The following NEGR1 variants were observed in gnomAD, a reference collection of about 807,000 sequenced individuals.
The protein encoded by NEGR1 is neuronal growth regulator 1.
NEGR1 carries 10 observed loss-of-function variants against 40.9 expected under a neutral mutation model. That is an observed-to-expected ratio of 0.24 (90% confidence interval 0.15 to 0.42). The LOEUF (loss-of-function observed/expected upper bound fraction) is 0.42, where lower values mean the gene tolerates loss of function less well. NEGR1 is among the 10% of genes least tolerant of loss of function. The pLI, the probability that NEGR1 is intolerant of heterozygous loss-of-function variation, is 1.00. For missense variants in NEGR1, 352 were observed against 438.9 expected (o/e 0.80, Z 1.77); for synonymous variants, 185 against 166.8 (o/e 1.11, Z -0.84).
intron 1 of NEGR1, among the ~76,000 whole-genome samples, chr1:71,945,675 A>G (rs890498439): frequency 1.3e-5 from 2 of 152,190 alleles, no homozygotes; most frequent in African/African-American, 4.8e-5. Flanking sequence ...TATATTTTAA[A>G]AAGTTATAAA....
At chr1:71,846,867 C>G (rs537726647) in intron 2 of NEGR1, among the ~76,000 whole-genome samples, 1 of 152,244 alleles carries the variant, frequency 6.6e-6, no homozygotes, top group South Asian at 2.1e-4. Context: ...ACCCTCATGA[C>G]CTAATCACCT....
intron 1 of NEGR1, among the ~76,000 whole-genome samples, chr1:72,100,549 GC>G (rs1159618173): frequency 2.6e-5 from 4 of 152,132 alleles, no homozygotes; most frequent in Non-Finnish European, 4.4e-5. Context: ...TAATGTAACT[GC>G]AATTCATTCA....
intron 3 of NEGR1, among the ~76,000 whole-genome samples, chr1:71,708,186 G>T (rs1262058939): frequency 6.6e-6 from 1 of 151,876 alleles, no homozygotes; most frequent in Non-Finnish European, 1.5e-5. Context: ...CAACCCAGGA[G>T]AAATAGAGAT....
chr1:71,862,782 G>C (rs776098266), intron 2 of NEGR1, among the ~76,000 whole-genome samples: 75 of 152,088 alleles, frequency 4.9e-4, no homozygotes, highest in Non-Finnish European at 1.0e-3. Context: ...TTAAAAAGTG[G>C]GCAAAGGCAT....
At chr1:72,000,463 C>T (rs1646547364) in intron 1 of NEGR1, among the ~76,000 whole-genome samples, 1 of 151,826 alleles carries the variant, frequency 6.6e-6, no homozygotes, top group Non-Finnish European at 1.5e-5. Context: ...TTAATAACTT[C>T]AAAAATATAA....
At chr1:71,921,220 A>G (rs1645714436) in intron 2 of NEGR1, among the ~76,000 whole-genome samples, 1 of 152,222 alleles carries the variant, frequency 6.6e-6, no homozygotes, top group African/African-American at 2.4e-5. Context: ...AATTATCATT[A>G]TATAAAATGG....
At chr1:71,588,755 T>A (rs1322237546) in intron 6 of NEGR1, among the ~76,000 whole-genome samples, 1 of 152,088 alleles carries the variant, frequency 6.6e-6, no homozygotes, top group Non-Finnish European at 1.5e-5. Flanking sequence ...CCAAAGAAGA[T>A]TTGAGAAAGA....
intron 6 of NEGR1, among the ~76,000 whole-genome samples, chr1:71,488,602 T>A (rs549106427): frequency 6.6e-6 from 1 of 151,880 alleles, no homozygotes; most frequent in South Asian, 2.1e-4. Flanking sequence ...ATTCAGTAAC[T>A]CACAGAATCA....
intron 2 of NEGR1, among the ~76,000 whole-genome samples, chr1:71,834,045 G>A (rs1239053113): frequency 6.6e-6 from 1 of 152,070 alleles, no homozygotes; most frequent in Non-Finnish European, 1.5e-5. Flanking sequence ...AAATAAATGA[G>A]TTTCACTTCA....
intron 2 of NEGR1, among the ~76,000 whole-genome samples, chr1:71,906,092 A>AGCTTTATCATCTG (rs1661266616): frequency 1.3e-5 from 2 of 150,410 alleles, no homozygotes; most frequent in Admixed American, 6.6e-5. Context: ...TTCAGCTGAT[A>AGCTTTATCATCTG]AAGCCCCCTA....
At chr1:71,860,351 C>T (rs969801132) in intron 2 of NEGR1, among the ~76,000 whole-genome samples, 5 of 151,958 alleles carry the variant, frequency 3.3e-5, no homozygotes, top group Non-Finnish European at 7.4e-5. Context: ...CTTTTTATTA[C>T]TATCTCTTTA....
At chr1:72,015,046 A>G (rs776727204) in intron 1 of NEGR1, among the ~76,000 whole-genome samples, 5 of 152,162 alleles carry the variant, frequency 3.3e-5, no homozygotes, top group Admixed American at 1.3e-4. Context: ...TCAATATAAT[A>G]CTACAGCTAA....
chr1:72,200,914 T>G, intron 1 of NEGR1, among the ~76,000 whole-genome samples: 1 of 151,900 alleles, frequency 6.6e-6, no homozygotes, highest in South Asian at 2.1e-4. Context: ...TAATAATAAG[T>G]TGTCTTTAAC....
intron 2 of NEGR1, among the ~76,000 whole-genome samples, chr1:71,786,576 A>T (rs1453702596): frequency 6.6e-6 from 1 of 152,128 alleles, no homozygotes; most frequent in Non-Finnish European, 1.5e-5. Flanking sequence ...ATACTGAGAG[A>T]CTAATGACTT....
At chr1:72,279,359 C>G (rs1656167872) in intron 1 of NEGR1, among the ~76,000 whole-genome samples, 1 of 152,166 alleles carries the variant, frequency 6.6e-6, no homozygotes, top group South Asian at 2.1e-4. Flanking sequence ...CCACAAGCAA[C>G]AGAGTCACTG....
At chr1:71,492,653 CTG>C (rs941814211) in intron 6 of NEGR1, among the ~76,000 whole-genome samples, 1 of 151,940 alleles carries the variant, frequency 6.6e-6, no homozygotes, top group African/African-American at 2.4e-5. Context: ...CTCTAAATAA[CTG>C]TATGAAAATA....
rs565725971 is a variant in NEGR1, at chr1:72,014,088, GA to G, written c.177-78778del. 3.5e-3 allele frequency among the ~76,000 whole-genome samples: 507 copies of G among 144,350 alleles called. 1 individual carries two copies. The highest frequency in any genetic ancestry group is 0.011 in the East Asian group (52 of 4,830). 94.7% of individuals were successfully genotyped at this position (144,350 alleles called of 152,430 possible). ...TTAAAAAGCTCTGGGGAAGGTTAAA[GA>G]AAAAAAAAGCTGTTCAACTTTTTTT... On this transcript the variant is annotated intron_variant, in intron 1 of 6. Transcript: ENST00000357731.
chr1:72,242,301 C>T (rs1222129142), intron 1 of NEGR1, among the ~76,000 whole-genome samples: 1 of 151,574 alleles, frequency 6.6e-6, no homozygotes, highest in Non-Finnish European at 1.5e-5. Flanking sequence ...AAAAATTAAG[C>T]TATAAAAAAT....
intron 5 of NEGR1, among the ~76,000 whole-genome samples, chr1:71,603,882 T>G (rs1649997221): frequency 6.6e-6 from 1 of 152,202 alleles, no homozygotes; most frequent in South Asian, 2.1e-4. Context: ...AATTTTTTTA[T>G]TTTACTCATG....
Sources: gnomAD v4.1 joint callset for allele counts (sites outside exome capture counted in the v4.1 genomes callset) on GRCh38, gnomAD v4.1.1 for gene constraint, MANE v1.5 for transcripts, NCBI Gene and HGNC (gene_info 2026-07-23, HGNC 2026-07-21) for gene names.